The following NALF1 variants were observed in gnomAD, a reference collection of about 807,000 sequenced individuals.
The protein encoded by NALF1 is NALCN channel auxiliary factor 1.
Under a neutral mutation model 48.4 loss-of-function variants are expected in NALF1, and 3 were observed. That is an observed-to-expected ratio of 0.06 (90% CI 0.03 to 0.16). The LOEUF (loss-of-function observed/expected upper bound fraction) is 0.16, where lower values mean the gene tolerates loss of function less well. Ranked by LOEUF, NALF1 falls within the 10% of genes least tolerant of loss-of-function variation. NALF1 has a pLI of 1.00. For missense variants in NALF1, 526 were observed against 571.5 expected, an observed-to-expected ratio of 0.92 and a Z score of 0.81; for synonymous variants, 262 against 245.7, an observed-to-expected ratio of 1.07 and a Z score of -0.62.
chr13:107,861,410 T>G (rs1336764692), intron 1 of NALF1, among the ~76,000 whole-genome samples: 1 of 152,228 alleles, frequency 6.6e-6, no homozygotes, highest in Admixed American at 6.5e-5. Flanking sequence ...GATATTACAA[T>G]AGCACTTAGT....
chr13:107,380,847 G>A (rs1389441699), intron 1 of NALF1, among the ~76,000 whole-genome samples: 6 of 150,784 alleles, frequency 4.0e-5, no homozygotes, highest in African/African-American at 7.3e-5. Context: ...GCGTAGTGGC[G>A]GGCGCCTGTA....
At chr13:107,608,597 G>C (rs1879136365) in intron 1 of NALF1, among the ~76,000 whole-genome samples, 1 of 152,130 alleles carries the variant, frequency 6.6e-6, no homozygotes, top group Non-Finnish European at 1.5e-5. Context: ...GGTGGTTGGG[G>C]GAAGCCACAC....
At chr13:107,737,300 G>A (rs898113577) in intron 1 of NALF1, among the ~76,000 whole-genome samples, 1 of 152,024 alleles carries the variant, frequency 6.6e-6, no homozygotes, top group Non-Finnish European at 1.5e-5. Context: ...AAAATTCCTA[G>A]GTCAAAAGTG....
intron 1 of NALF1, among the ~76,000 whole-genome samples, chr13:107,262,769 G>GCGCGCGCTCTCTCTCTCTCTCTCT (rs36027059): frequency 4.2e-5 from 6 of 144,034 alleles, no homozygotes; most frequent in African/African-American, 8.0e-5. Flanking sequence ...ACCCACAGGC[G>GCGCGCGCTCTCTCTCTCTCTCTCT]CTCTCTCTCT....
rs75380317 is a variant in NALF1, at chr13:107,582,979, C to G, written c.915+282703G>C. Among the ~76,000 whole-genome samples, 385 of 152,216 alleles carry G rather than the reference C, an allele frequency of 2.5e-3. 3 individuals are homozygous for G. The highest frequency in any genetic ancestry group is 8.4e-3 in the African/African-American group (348 of 41,560). ...TTCCTGGTATATCACCTTTTCCCCC[C>G]TCTCTGGAAGCTTTTGGAATCATCC... On this transcript the variant is annotated intron_variant, in intron 1 of 2. Transcript: ENST00000375915.
chr13:107,361,253 A>G (rs575949136), intron 1 of NALF1, among the ~76,000 whole-genome samples: 1 of 152,292 alleles, frequency 6.6e-6, no homozygotes, highest in African/African-American at 2.4e-5. Flanking sequence ...ATGACTATGG[A>G]AGGAAGTGAC....
chr13:107,518,429 T>C (rs543231135), intron 1 of NALF1, among the ~76,000 whole-genome samples: 2 of 152,274 alleles, frequency 1.3e-5, no homozygotes, highest in South Asian at 4.1e-4. Flanking sequence ...AAATGAAATT[T>C]GACTAATACA....
chr13:107,420,922 A>T (rs1430672352), intron 1 of NALF1, among the ~76,000 whole-genome samples: 1 of 152,092 alleles, frequency 6.6e-6, no homozygotes, highest in African/African-American at 2.4e-5. Context: ...TCGTATTTCT[A>T]GGCATGCTAT....
At chr13:107,567,282 T>C (rs1468960550) in intron 1 of NALF1, among the ~76,000 whole-genome samples, 1 of 152,224 alleles carries the variant, frequency 6.6e-6, no homozygotes, top group East Asian at 1.9e-4. Flanking sequence ...GTATTAGACA[T>C]ATTTTAATTG....
At chr13:107,596,548 ACT>A (rs1456345594) in intron 1 of NALF1, among the ~76,000 whole-genome samples, 1 of 152,154 alleles carries the variant, frequency 6.6e-6, no homozygotes, top group African/African-American at 2.4e-5. Context: ...GGAAACCATC[ACT>A]CTCAGCAAAC....
At chr13:107,183,694 G>A (rs549397282) in intron 2 of NALF1, among the ~76,000 whole-genome samples, 5 of 152,116 alleles carry the variant, frequency 3.3e-5, no homozygotes, top group South Asian at 4.1e-4. Flanking sequence ...TCCTTTGCAG[G>A]GACATGGATG....
rs767277230 is a variant in NALF1, at chr13:107,210,663, C to T, written c.1008G>A (p.Glu336=). 1.3e-5 allele frequency: 21 copies of T among 1,612,268 alleles called. No individual in the cohort carries two copies. The highest frequency in any genetic ancestry group is 1.7e-5 in the Non-Finnish European group (20 of 1,178,454). The change falls in exon 2 of 3, where the codon GAG becomes GAA. Residue 336 remains glutamate, a synonymous_variant. Transcript: ENST00000375915. ...ATATAAATGGACACCTCGTCTGAACCTCCAAACAGTATTGCTTGCAAGGAA... is the reference window on the plus strand; with the variant it reads ...ATATAAATGGACACCTCGTCTGAACTTCCAAACAGTATTGCTTGCAAGGAA... ...KTIPCKQYCL[E]VQTRCPFILP... is the part of the protein sequence containing the mutation.
chr13:107,749,835 TTTGA>T (rs982926741), intron 1 of NALF1, among the ~76,000 whole-genome samples: 4 of 150,582 alleles, frequency 2.7e-5, no homozygotes, highest in South Asian at 2.2e-4. Flanking sequence ...TGTTTGTTTG[TTTGA>T]GACAGAGTCT....
intron 2 of NALF1, among the ~76,000 whole-genome samples, chr13:107,188,487 T>G (rs1309129138): frequency 6.6e-6 from 1 of 152,008 alleles, no homozygotes; most frequent in Non-Finnish European, 1.5e-5. Context: ...ATTTTGGATA[T>G]CTATACATTT....
chr13:107,203,649 C>A (rs1387288778), intron 2 of NALF1, among the ~76,000 whole-genome samples: 2 of 152,164 alleles, frequency 1.3e-5, no homozygotes, highest in Non-Finnish European at 2.9e-5. Context: ...CCTGACATGG[C>A]TCAGGCTGGG....
Position 107,166,084 on chromosome 13 carries a change from A to C in NALF1, c.*4413T>G, listed in dbSNP as rs1213595540. On this transcript the variant is annotated 3_prime_UTR_variant, in exon 3 of 3. Coordinates refer to ENST00000375915, the MANE Select transcript of NALF1 (RefSeq NM_001080396.3). The stretch of plus-strand genomic sequence containing the variant: ...TATCTCTCTAAAGATATGCCATAGT[A>C]TATAACCCTAACGCCTCATATATGC... The C allele has an allele frequency of 6.6e-6, 1 of 152,000 alleles. No individual in the cohort carries two copies. Among genetic ancestry groups the C allele is most frequent in the Non-Finnish European group, 1.5e-5 (1 of 68,014 alleles). 9.4% of individuals were successfully genotyped at this position (152,000 alleles called of 1,614,324 possible).
chr13:107,271,597 T>C (rs1594098797), intron 1 of NALF1, among the ~76,000 whole-genome samples: 2 of 65,662 alleles, frequency 3.0e-5, no homozygotes, highest in Admixed American at 1.7e-4. Flanking sequence ...TATTGCAAGA[T>C]AGCAAGTGGG....
chr13:107,260,094 C>G (rs76945998), intron 1 of NALF1, among the ~76,000 whole-genome samples: 1 of 152,208 alleles, frequency 6.6e-6, no homozygotes, highest in Non-Finnish European at 1.5e-5. Flanking sequence ...GGTCTTTGTA[C>G]TGCATCATAT....
At chr13:107,243,300 C>T (rs1468788866) in intron 1 of NALF1, among the ~76,000 whole-genome samples, 1 of 152,182 alleles carries the variant, frequency 6.6e-6, no homozygotes, top group East Asian at 1.9e-4. Context: ...TCTACCCCTT[C>T]CTTCTCCTTC....
Sources: gnomAD v4.1 joint callset for allele counts (sites outside exome capture counted in the v4.1 genomes callset) on GRCh38, gnomAD v4.1.1 for gene constraint, MANE v1.5 for transcripts, NCBI Gene and HGNC (gene_info 2026-07-23, HGNC 2026-07-21) for gene names.